CHLSN: variants seen among roughly 807,000 people sequenced by gnomAD.
The protein encoded by CHLSN is protein cholesin.
chr7:1,122,243 A>C, the CHLSN span, among the ~76,000 whole-genome samples: 28 of 152,362 alleles, frequency 1.8e-4, no homozygotes, highest in African/African-American at 5.8e-4. Flanking sequence ...GTGGGGACGG[A>C]AAGTGTTGCA....
At chr7:1,109,170 C>A in the CHLSN span, among the ~76,000 whole-genome samples, 2 of 152,124 alleles carry the variant, frequency 1.3e-5, no homozygotes, top group African/African-American at 4.8e-5. Context: ...GTGCTCGGAG[C>A]CACCACGCCC....
At chr7:1,013,254 A>G in the CHLSN span, among the ~76,000 whole-genome samples, 1 of 152,372 alleles carries the variant, frequency 6.6e-6, no homozygotes, top group Non-Finnish European at 1.5e-5. Flanking sequence ...GGGTTTCACT[A>G]GCAAATAAGA....
the CHLSN span, among the ~76,000 whole-genome samples, chr7:1,005,964 C>T: frequency 1.3e-5 from 2 of 152,256 alleles, no homozygotes; most frequent in Non-Finnish European, 2.9e-5. Context: ...CCACCTGCCC[C>T]CAACGTGAAC....
At chr7:1,053,313 G>T in the CHLSN span, among the ~76,000 whole-genome samples, 1 of 152,260 alleles carries the variant, frequency 6.6e-6, no homozygotes. Context: ...GCGACGGCGG[G>T]GGAGGGGCGT....
chr7:1,097,001 G>A, the CHLSN span, among the ~76,000 whole-genome samples: 1 of 152,232 alleles, frequency 6.6e-6, no homozygotes, highest in African/African-American at 2.4e-5. The surrounding 1 kb of genome is among the most constrained non-coding windows in gnomAD (Gnocchi z 4.3). Context: ...AATGTGAGGA[G>A]GCTCCTGAAG....
the CHLSN span, among the ~76,000 whole-genome samples, chr7:1,124,192 TG>T: frequency 6.6e-6 from 1 of 152,116 alleles, no homozygotes; most frequent in African/African-American, 2.4e-5. Context: ...AATAATTACT[TG>T]AACCTAAACA....
chr7:1,003,547 TGA>T, the CHLSN span, among the ~76,000 whole-genome samples: 10 of 22,722 alleles, frequency 4.4e-4, no homozygotes, highest in Admixed American at 1.3e-3. Context: ...GTCCTGTGGG[TGA>T]GTGGAGTCCT....
At chr7:1,056,536 AC>A in the CHLSN span, 1 of 152,442 alleles carries the variant, frequency 6.6e-6, no homozygotes, top group Non-Finnish European at 1.5e-5. Flanking sequence ...TGTGGGGCGC[AC>A]ACTGCTATTG....
chr7:1,117,617 C>CA, the CHLSN span, among the ~76,000 whole-genome samples: 1 of 138,422 alleles, frequency 7.2e-6, no homozygotes, highest in Non-Finnish European at 1.6e-5. Context: ...CCGACGCTCA[C>CA]GCAGGATGAT....
At chr7:1,133,194 C>A in the CHLSN span, among the ~76,000 whole-genome samples, 1 of 152,092 alleles carries the variant, frequency 6.6e-6, no homozygotes, top group Admixed American at 6.5e-5. Context: ...CAAGACTCCA[C>A]ACTGCAAAAT....
the CHLSN span, chr7:988,468 G>T: frequency 2.5e-6 from 4 of 1,608,140 alleles, no homozygotes; most frequent in Non-Finnish European, 3.4e-6. Flanking sequence ...GGGCTCCAGG[G>T]GTGGGACGGC....
chr7:1,095,064 G>A, the CHLSN span, among the ~76,000 whole-genome samples: 2 of 151,414 alleles, frequency 1.3e-5, no homozygotes, highest in South Asian at 2.1e-4. Flanking sequence ...GCAGAACACC[G>A]TGCGTGGCTT....
the CHLSN span, among the ~76,000 whole-genome samples, chr7:1,004,818 G>A: frequency 6.6e-6 from 1 of 152,316 alleles, no homozygotes; most frequent in African/African-American, 2.4e-5. Flanking sequence ...ATCCCATCTT[G>A]GAAAAGGAAA....
chr7:1,036,341 C>T, the CHLSN span, among the ~76,000 whole-genome samples: 4 of 150,476 alleles, frequency 2.7e-5, no homozygotes, highest in East Asian at 2.0e-4. Flanking sequence ...GTGCTGTGGC[C>T]GTGCAGGGCT....
At chr7:1,068,089 G>A in the CHLSN span, among the ~76,000 whole-genome samples, 7 of 152,282 alleles carry the variant, frequency 4.6e-5, no homozygotes, top group African/African-American at 1.7e-4. Context: ...AGTAAGGTCC[G>A]CTTCTCTGTG....
At chr7:1,024,078 C>T in the CHLSN span, among the ~76,000 whole-genome samples, 12 of 152,176 alleles carry the variant, frequency 7.9e-5, no homozygotes, top group Non-Finnish European at 1.3e-4. Flanking sequence ...TCCTCCTTGC[C>T]GGCCTCCCAA....
the CHLSN span, among the ~76,000 whole-genome samples, chr7:1,015,783 C>A: frequency 6.6e-5 from 10 of 152,326 alleles, no homozygotes; most frequent in Non-Finnish European, 1.5e-4. Context: ...ATCCCAACAC[C>A]CAGCCCGGGC....
the CHLSN span, among the ~76,000 whole-genome samples, chr7:1,047,228 A>T: frequency 4.6e-5 from 7 of 152,210 alleles, no homozygotes; most frequent in South Asian, 2.1e-4. Flanking sequence ...CTGGCCCAGC[A>T]AGGTGCTTGG....
At chr7:1,101,107 C>T in the CHLSN span, among the ~76,000 whole-genome samples, 1 of 152,260 alleles carries the variant, frequency 6.6e-6, no homozygotes, top group African/African-American at 2.4e-5. Context: ...TGAGGTGACA[C>T]GTGCGCCACG....
Sources: allele counts gnomAD v4.1 joint callset (sites outside exome capture counted in the v4.1 genomes callset), GRCh38; gene constraint gnomAD v4.1.1; non-coding constraint Gnocchi (gnomAD v3.1); transcripts MANE v1.5; gene names NCBI Gene and HGNC (gene_info 2026-07-23, HGNC 2026-07-21).